Variants in ATP8A2 observed in about 807,000 individuals in gnomAD.
ATP8A2 encodes phospholipid-transporting ATPase IB.
In ATP8A2, 100 loss-of-function variants were observed where a neutral mutation model predicts 165.6. The ratio of observed to expected loss-of-function variants is 0.60; its 90% CI spans 0.51 to 0.71. The LOEUF is 0.71. ATP8A2 is among the 30% of genes least tolerant of loss of function. ATP8A2 has a pLI of 0.00. For missense variants in ATP8A2, 1,227 were observed against 1,479.5 expected (o/e 0.83, Z 2.80); for synonymous variants, 543 against 548.8 (o/e 0.99, Z 0.15).
intron 1 of ATP8A2, among the ~76,000 whole-genome samples, chr13:25,412,529 A>G (rs553096697): frequency 4.6e-5 from 7 of 152,324 alleles, no homozygotes; most frequent in Admixed American, 1.3e-4. Flanking sequence ...CAGAGCTCAA[A>G]ACACCTACTA....
At chr13:25,895,278 T>C (rs1233579823) in intron 33 of ATP8A2, among the ~76,000 whole-genome samples, 1 of 152,204 alleles carries the variant, frequency 6.6e-6, no homozygotes, top group Non-Finnish European at 1.5e-5. Context: ...CTTTTCTGCA[T>C]CTATTGAGAT....
chr13:25,683,517 C>T (rs939524107), intron 24 of ATP8A2, among the ~76,000 whole-genome samples: 13 of 152,112 alleles, frequency 8.5e-5, no homozygotes, highest in Non-Finnish European at 2.9e-5. Context: ...TGATGGTTGG[C>T]ACGAATGAAT....
At chr13:25,373,320 A>G (rs1171313016) in intron 1 of ATP8A2, among the ~76,000 whole-genome samples, 2 of 152,200 alleles carry the variant, frequency 1.3e-5, no homozygotes, top group African/African-American at 2.4e-5. Flanking sequence ...TAGTTGAGTA[A>G]CGTGAGAGGG....
rs1360888129 is a variant in ATP8A2, at chr13:25,765,268, C to A, written c.2385-3778C>A. Among the ~76,000 whole-genome samples, 6 of 152,298 alleles carry A rather than the reference C, an allele frequency of 3.9e-5. No individual in the cohort carries two copies. In the East Asian group the frequency reaches 1.2e-3, roughly 29 times the overall value. On this transcript the variant is annotated intron_variant, in intron 25 of 36. Transcript: ENST00000381655. ...GGTTTATATTTCTATTCATAATACACCAAAATAGGATTAAAGAAGTGCCCC... is the reference window on the plus strand; with the variant it reads ...GGTTTATATTTCTATTCATAATACAACAAAATAGGATTAAAGAAGTGCCCC...
chr13:25,671,343 C>G (rs2042257909), intron 24 of ATP8A2, among the ~76,000 whole-genome samples: 1 of 152,106 alleles, frequency 6.6e-6, no homozygotes, highest in African/African-American at 2.4e-5. Context: ...AGTATGAAAT[C>G]TGGGCACCTT....
intron 16 of ATP8A2, 103 bp downstream of exon 16, chr13:25,564,134 A>G: frequency 1.2e-6 from 1 of 809,236 alleles, no homozygotes; most frequent in South Asian, 1.4e-5. Flanking sequence ...AGAGCATGGG[A>G]AAAGTCTCGA....
chr13:25,983,825 A>G (rs1404111580), intron 35 of ATP8A2, among the ~76,000 whole-genome samples: 1 of 152,208 alleles, frequency 6.6e-6, no homozygotes, highest in Non-Finnish European at 1.5e-5. Context: ...ATGGGAACAC[A>G]ATGTGAAAAA....
intron 1 of ATP8A2, among the ~76,000 whole-genome samples, chr13:25,401,118 G>A (rs979770557): frequency 1.3e-5 from 2 of 152,154 alleles, no homozygotes; most frequent in Admixed American, 6.5e-5. Flanking sequence ...GTGAGTGTGC[G>A]GCACAGCTCG....
intron 2 of ATP8A2, among the ~76,000 whole-genome samples, chr13:25,479,039 G>C (rs2036079818): frequency 6.6e-6 from 1 of 152,020 alleles, no homozygotes; most frequent in Non-Finnish European, 1.5e-5. Context: ...GTAGAGACGG[G>C]GTTTCACCAT....
At chr13:25,494,658 T>A (rs1008511541) in intron 2 of ATP8A2, among the ~76,000 whole-genome samples, 3 of 152,238 alleles carry the variant, frequency 2.0e-5, no homozygotes, top group African/African-American at 7.2e-5. Flanking sequence ...AGGGCCTTCA[T>A]CTGTGTTTAA....
chr13:25,677,477 A>G (rs763113444), intron 24 of ATP8A2, among the ~76,000 whole-genome samples: 7 of 151,138 alleles, frequency 4.6e-5, no homozygotes, highest in African/African-American at 9.8e-5. Flanking sequence ...AGTCAAGAAA[A>G]TCCATGTTGG....
intron 24 of ATP8A2, among the ~76,000 whole-genome samples, chr13:25,658,115 C>T (rs933155950): frequency 1.3e-5 from 2 of 152,180 alleles, no homozygotes; most frequent in African/African-American, 4.8e-5. Flanking sequence ...GACGTGCACA[C>T]TCTTTTCTTA....
chr13:25,823,795 G>C (rs1186085823), intron 27 of ATP8A2, among the ~76,000 whole-genome samples: 1 of 151,644 alleles, frequency 6.6e-6, no homozygotes, highest in Non-Finnish European at 1.5e-5. Context: ...GGCTGATTAG[G>C]GTATTTCAGA....
intron 25 of ATP8A2, among the ~76,000 whole-genome samples, chr13:25,733,126 A>G (rs1053647403): frequency 2.6e-5 from 4 of 152,338 alleles, no homozygotes; most frequent in Non-Finnish European, 5.9e-5. Flanking sequence ...GAAGTCTTCA[A>G]TGACTAATAA....
At chr13:25,800,312 C>T (rs1488786569) in intron 27 of ATP8A2, among the ~76,000 whole-genome samples, 1 of 152,212 alleles carries the variant, frequency 6.6e-6, no homozygotes, top group African/African-American at 2.4e-5. Context: ...TACCAGGAAC[C>T]TGTGCAGACC....
At chr13:25,752,308 A>G (rs138092898) in intron 25 of ATP8A2, among the ~76,000 whole-genome samples, 3,351 of 152,116 alleles carry the variant, frequency 0.022, 62 homozygotes, top group Middle Eastern at 0.044. Context: ...TACAAATACA[A>G]AAATTAGCCA....
At chr13:25,457,036 T>C (rs577774228) in intron 1 of ATP8A2, among the ~76,000 whole-genome samples, 1 of 152,302 alleles carries the variant, frequency 6.6e-6, no homozygotes, top group African/African-American at 2.4e-5. Context: ...TACAAATTTG[T>C]GTAGGGCCAC....
At chr13:25,474,996 T>C (rs112382473) in intron 2 of ATP8A2, among the ~76,000 whole-genome samples, 19,412 of 152,002 alleles carry the variant, frequency 0.13, 1,434 homozygotes, top group Non-Finnish European at 0.18. Flanking sequence ...ATTTTTGTAT[T>C]TTTAGTAGAG....
intron 24 of ATP8A2, among the ~76,000 whole-genome samples, chr13:25,636,406 G>A (rs531329089): frequency 3.3e-5 from 5 of 152,008 alleles, no homozygotes; most frequent in Non-Finnish European, 5.9e-5. Context: ...GGGTATCCTC[G>A]GGATAGAATC....
Sources: gnomAD v4.1 joint callset for allele counts (sites outside exome capture counted in the v4.1 genomes callset) on GRCh38, gnomAD v4.1.1 for gene constraint, MANE v1.5 for transcripts, NCBI Gene and HGNC (gene_info 2026-07-23, HGNC 2026-07-21) for gene names.